GALNT13: variants seen among roughly 807,000 people sequenced by gnomAD.
GALNT13 encodes the protein polypeptide N-acetylgalactosaminyltransferase 13.
A neutral mutation model predicts 64.2 loss-of-function variants in GALNT13; 28 were observed. The observed-to-expected ratio is 0.44, with a 90% CI of 0.32 to 0.60. The LOEUF (loss-of-function observed/expected upper bound fraction) is 0.60, where lower values mean the gene tolerates loss of function less well. GALNT13 is among the 20% of genes least tolerant of loss of function. The pLI is 0.05. For missense variants in GALNT13, 577 were observed against 669.8 expected, an observed-to-expected ratio of 0.86 and a Z score of 1.53; for synonymous variants, 214 against 224.6, an observed-to-expected ratio of 0.95 and a Z score of 0.42.
chr2:153,575,465 A>C, the GALNT13 span, among the ~76,000 whole-genome samples: 1 of 151,926 alleles, frequency 6.6e-6, no homozygotes, highest in Admixed American at 6.6e-5. Flanking sequence ...GGTGGTGAGT[A>C]CCCCAAGGTC....
At chr2:153,304,232 G>C in the GALNT13 span, among the ~76,000 whole-genome samples, 1 of 149,902 alleles carries the variant, frequency 6.7e-6, no homozygotes, top group African/African-American at 2.5e-5. Context: ...AGAATGGGAA[G>C]TAGATATTCA....
the GALNT13 span, among the ~76,000 whole-genome samples, chr2:153,093,593 G>A: frequency 6.6e-6 from 1 of 151,964 alleles, no homozygotes; most frequent in Non-Finnish European, 1.5e-5. Context: ...ATTTTGTTGA[G>A]GATTTTTGCA....
chr2:153,892,400 A>G (rs1687612577), intron 1 of GALNT13, among the ~76,000 whole-genome samples: 1 of 152,020 alleles, frequency 6.6e-6, no homozygotes, highest in South Asian at 2.1e-4. Flanking sequence ...TAATCTCTAC[A>G]AGTTTATAAA....
chr2:154,193,360 A>T (rs752672283), intron 4 of GALNT13, among the ~76,000 whole-genome samples: 5 of 152,212 alleles, frequency 3.3e-5, no homozygotes, highest in Non-Finnish European at 7.3e-5. Context: ...AGGTTTGCAG[A>T]CATCCAAGTT....
chr2:154,365,220 T>G (rs1053847984), intron 9 of GALNT13, among the ~76,000 whole-genome samples: 5 of 152,322 alleles, frequency 3.3e-5, no homozygotes, highest in Admixed American at 6.5e-5. Flanking sequence ...CCAAGTGTGT[T>G]ACTAGTTTAG....
intron 3 of GALNT13, among the ~76,000 whole-genome samples, chr2:154,121,894 T>G (rs537949572): frequency 6.6e-6 from 1 of 152,202 alleles, no homozygotes; most frequent in South Asian, 2.1e-4. Flanking sequence ...TGACTAGAAG[T>G]GGTAGGAGAG....
the GALNT13 span, among the ~76,000 whole-genome samples, chr2:153,410,209 C>T: frequency 1.3e-5 from 2 of 151,952 alleles, no homozygotes; most frequent in South Asian, 2.1e-4. Flanking sequence ...CCTCATCCCC[C>T]ACCTAGTGGC....
the GALNT13 span, among the ~76,000 whole-genome samples, chr2:153,650,354 GTGTCTC>G: frequency 6.6e-6 from 1 of 152,100 alleles, no homozygotes; most frequent in Non-Finnish European, 1.5e-5. Context: ...GAGCCTATGT[GTGTCTC>G]TGCACTTGAG....
At chr2:153,483,588 G>C in the GALNT13 span, among the ~76,000 whole-genome samples, 2 of 151,738 alleles carry the variant, frequency 1.3e-5, no homozygotes, top group African/African-American at 4.8e-5. Context: ...AGCTAATTTT[G>C]TATTTTTAGT....
chr2:153,671,141 A>G, the GALNT13 span, among the ~76,000 whole-genome samples: 1 of 152,212 alleles, frequency 6.6e-6, no homozygotes, highest in Non-Finnish European at 1.5e-5. Flanking sequence ...GATATTATCC[A>G]GGAGAATTTC....
intron 3 of GALNT13, among the ~76,000 whole-genome samples, chr2:154,068,356 T>C (rs10460400): frequency 6.6e-6 from 1 of 151,702 alleles, no homozygotes; most frequent in African/African-American, 2.4e-5. Flanking sequence ...GCAATCCCAC[T>C]TCTAGGTATA....
the GALNT13 span, among the ~76,000 whole-genome samples, chr2:153,508,295 T>C: frequency 1.3e-5 from 2 of 152,144 alleles, no homozygotes; most frequent in Admixed American, 1.3e-4. Flanking sequence ...TCCTTTGTCT[T>C]TGGCAACTAG....
chr2:153,136,899 G>C, the GALNT13 span, among the ~76,000 whole-genome samples: 3 of 133,664 alleles, frequency 2.2e-5, no homozygotes, highest in African/African-American at 7.6e-5. Flanking sequence ...AGAACAGTGA[G>C]GAATGAGCAG....
At chr2:154,421,658 A>C (rs547697944) in intron 11 of GALNT13, among the ~76,000 whole-genome samples, 23 of 152,132 alleles carry the variant, frequency 1.5e-4, no homozygotes, top group African/African-American at 4.8e-4. Context: ...AATATGTCTA[A>C]TACTTTTTTC....
Position 154,244,461 on chromosome 2 carries a change from A to T in GALNT13, c.687-1351A>T, listed in dbSNP as rs72855805. 5.4e-3 allele frequency among the ~76,000 whole-genome samples: 823 copies of T among 152,306 alleles called. 5 individuals are homozygous for T. Among genetic ancestry groups the T allele is most frequent in the Middle Eastern group, 0.014 (4 of 290 alleles). On this transcript the variant is annotated intron_variant, in intron 6 of 12. Coordinates refer to ENST00000392825, the MANE Select transcript of GALNT13 (RefSeq NM_052917.4). ...TCTGGTCAGTTGTGTGGAATATAAG[A>T]CTTCAATTGAAAATGAGTATTGGTG...
chr2:154,268,783 T>A (rs1215208472), intron 8 of GALNT13, among the ~76,000 whole-genome samples: 1 of 152,160 alleles, frequency 6.6e-6, no homozygotes, highest in Non-Finnish European at 1.5e-5. Flanking sequence ...CCTGTTGATC[T>A]GATTATAACA....
In GALNT13 at chr2:154,259,028, A is replaced by G. The variant is rs1407097825; in HGVS notation, c.865A>G (p.Thr289Ala). The change falls in exon 8 of 13, where the codon ACT becomes GCT. Residue 289 changes from threonine (T) to alanine (A), a missense_variant. Physicochemically the swap from Thr to Ala is moderately conservative, Grantham distance 58. This residue lies in a region of GALNT13 where 341 missense variants were observed against 379.3 expected (regional missense o/e 0.90). Coordinates refer to ENST00000392825, the MANE Select transcript of GALNT13 (RefSeq NM_052917.4). Reference sequence around the variant, plus strand: ...TTGTTTTTTTTCAACTAGGACCCCTACTATGGCTGGTGGCCTATTTTCTAT... The same window carrying G: ...TTGTTTTTTTTCAACTAGGACCCCTGCTATGGCTGGTGGCCTATTTTCTAT... ...GDRTLPVRTP[T>A]MAGGLFSIDR... The G allele has an allele frequency of 1.3e-6, 2 of 1,574,490 alleles. No individual in the cohort carries two copies. Among genetic ancestry groups the G allele is most frequent in the Non-Finnish European group, 1.7e-6 (2 of 1,145,620 alleles).
the GALNT13 span, among the ~76,000 whole-genome samples, chr2:153,387,760 A>G: frequency 6.6e-5 from 10 of 152,050 alleles, no homozygotes; most frequent in African/African-American, 2.2e-4. Flanking sequence ...CCCTTTATCC[A>G]TGTGTACCAA....
intron 8 of GALNT13, among the ~76,000 whole-genome samples, chr2:154,282,671 A>G (rs1692026816): frequency 6.6e-6 from 1 of 152,134 alleles, no homozygotes; most frequent in Non-Finnish European, 1.5e-5. Context: ...TTTAAATGTG[A>G]TGCTTTTTTT....
Sources: allele counts gnomAD v4.1 joint callset (sites outside exome capture counted in the v4.1 genomes callset), GRCh38; gene constraint gnomAD v4.1.1; regional missense constraint gnomAD v4.1.1; transcripts MANE v1.5; gene names NCBI Gene and HGNC (gene_info 2026-07-23, HGNC 2026-07-21).